The following SNX16 variants were observed in gnomAD, a reference collection of about 807,000 sequenced individuals.
The protein encoded by SNX16 is sorting nexin 16.
In SNX16, 35 loss-of-function variants were observed where a neutral mutation model predicts 36.7. The observed-to-expected ratio is 0.95, with a 90% confidence interval of 0.73 to 1.27. SNX16 has a LOEUF of 1.27. Ranked by LOEUF, SNX16 falls within the 50% of genes most tolerant of loss-of-function variation. SNX16 has a pLI of 0.00. For missense variants in SNX16, 367 were observed against 393.6 expected, an observed-to-expected ratio of 0.93 and a Z score of 0.57; for synonymous variants, 134 against 132.0, an observed-to-expected ratio of 1.02 and a Z score of -0.10.
chr8:81,824,320 G>A (rs184973182), intron 3 of SNX16, among the ~76,000 whole-genome samples: 252 of 152,074 alleles, frequency 1.7e-3, no homozygotes, highest in African/African-American at 5.5e-3. Flanking sequence ...AAATTTTTTA[G>A]CACCTTCCCT....
At chr8:81,813,895 G>A (rs1261952181) in intron 5 of SNX16, among the ~76,000 whole-genome samples, 1 of 151,858 alleles carries the variant, frequency 6.6e-6, no homozygotes, top group Non-Finnish European at 1.5e-5. Flanking sequence ...CCAAGAGAAT[G>A]GCTATAATCC....
At chr8:81,840,613 T>C (rs569652823) in intron 1 of SNX16, among the ~76,000 whole-genome samples, 170 of 152,352 alleles carry the variant, frequency 1.1e-3, no homozygotes, top group African/African-American at 3.9e-3. Flanking sequence ...TGATGCTACA[T>C]AGTATAATTC....
chr8:81,832,690 A>AT (rs1385309426), intron 2 of SNX16, among the ~76,000 whole-genome samples: 1 of 151,906 alleles, frequency 6.6e-6, no homozygotes, highest in Non-Finnish European at 1.5e-5. Context: ...AAGTCAATGT[A>AT]TTTTTAAAAG....
chr8:81,838,698 T>A (rs1312465790), intron 2 of SNX16, among the ~76,000 whole-genome samples: 1 of 151,964 alleles, frequency 6.6e-6, no homozygotes, highest in Non-Finnish European at 1.5e-5. Flanking sequence ...CATAGGACAG[T>A]ATCTTTGTAG....
At chr8:81,837,987 T>C (rs993188728) in intron 2 of SNX16, among the ~76,000 whole-genome samples, 1 of 152,180 alleles carries the variant, frequency 6.6e-6, no homozygotes, top group African/African-American at 2.4e-5. Flanking sequence ...AAGTAAACAT[T>C]AAACTTTACT....
At chr8:81,836,416 C>A (rs1811499228) in intron 2 of SNX16, among the ~76,000 whole-genome samples, 1 of 152,200 alleles carries the variant, frequency 6.6e-6, no homozygotes, top group Non-Finnish European at 1.5e-5. Context: ...CACATTAACA[C>A]ATGTAACATC....
intron 5 of SNX16, among the ~76,000 whole-genome samples, chr8:81,810,132 A>G (rs767246291): frequency 6.6e-6 from 1 of 152,096 alleles, no homozygotes; most frequent in Non-Finnish European, 1.5e-5. Flanking sequence ...TAAAAATTAT[A>G]ATTTATTTCT....
Position 81,836,484 on chromosome 8 carries a change from T to C in SNX16, c.375+3128A>G. 1.3e-5 allele frequency among the ~76,000 whole-genome samples: 2 copies of C among 152,170 alleles called. 1 individual carries two copies. The highest frequency in any genetic ancestry group is 4.1e-4 in the South Asian group (2 of 4,828). On this transcript the variant is annotated intron_variant, in intron 2 of 7. Transcript: ENST00000345957. ...TAGCATGTCTAAAAACAAATTTTGA[T>C]CATCCCTCAAAACCTGTCATTTAAT...
intron 5 of SNX16, chr8:81,814,719 G>T (rs1389376076): frequency 1.3e-5 from 2 of 152,066 alleles, no homozygotes; most frequent in African/African-American, 4.8e-5. Flanking sequence ...GACTCAGCTT[G>T]AATGAAAACA....
chr8:81,823,686 A>G, intron 4 of SNX16, 106 bp downstream of exon 4: 1 of 980,344 alleles, frequency 1.0e-6, no homozygotes, highest in Non-Finnish European at 1.5e-6. Context: ...ATTATACTCC[A>G]ACCCTGTATT....
At chr8:81,805,179 C>G (rs1310200488) in intron 5 of SNX16, among the ~76,000 whole-genome samples, 1 of 151,622 alleles carries the variant, frequency 6.6e-6, no homozygotes, top group Non-Finnish European at 1.5e-5. Context: ...TGGTGTCAGA[C>G]AGAACATAAT....
Position 81,799,944 on chromosome 8 carries a change from T to G in SNX16, c.*1553A>C, listed in dbSNP as rs1006684582. On this transcript the variant is annotated 3_prime_UTR_variant, in exon 8 of 8. Transcript: ENST00000345957. Reference sequence around the variant, plus strand: ...TTATATTCATTTCTGTCTCTAAGGATAGCAAACATATTTCTGATACACATT... The same window carrying G: ...TTATATTCATTTCTGTCTCTAAGGAGAGCAAACATATTTCTGATACACATT... The G allele has an allele frequency of 1.3e-5, 2 of 151,906 alleles. No homozygotes were observed. The highest frequency in any genetic ancestry group is 4.8e-5 in the African/African-American group (2 of 41,428). 9.4% of individuals were successfully genotyped at this position (151,906 alleles called of 1,614,324 possible).
At chr8:81,838,615 T>C (rs977218132) in intron 2 of SNX16, among the ~76,000 whole-genome samples, 1 of 147,532 alleles carries the variant, frequency 6.8e-6, no homozygotes, top group African/African-American at 2.5e-5. Flanking sequence ...CCTCACACCA[T>C]GGACAAAAAT....
intron 2 of SNX16, among the ~76,000 whole-genome samples, chr8:81,838,446 GA>G (rs1025857318): frequency 1.3e-5 from 2 of 151,634 alleles, no homozygotes; most frequent in African/African-American, 4.8e-5. Context: ...AGTAAAGGAT[GA>G]AAAAATAGAA....
At chr8:81,832,974 G>A (rs1811333989) in intron 2 of SNX16, among the ~76,000 whole-genome samples, 1 of 151,528 alleles carries the variant, frequency 6.6e-6, no homozygotes, top group Admixed American at 6.6e-5. Flanking sequence ...CATGGCAATT[G>A]AGCACTCAAT....
At chr8:81,841,888 C>T (rs1008008507) in intron 1 of SNX16, 1 of 152,178 alleles carries the variant, frequency 6.6e-6, no homozygotes, top group African/African-American at 2.4e-5. Flanking sequence ...CGGCGAGACC[C>T]GCAGCTCCCT....
chr8:81,805,023 T>TA (rs35208380), intron 5 of SNX16, among the ~76,000 whole-genome samples: 37,666 of 151,898 alleles, frequency 0.25, 5,210 homozygotes, highest in East Asian at 0.37. Context: ...AATTAGTAAG[T>TA]TTGATATGAT....
At chr8:81,826,283 T>G (rs954828831) in intron 3 of SNX16, among the ~76,000 whole-genome samples, 1 of 152,152 alleles carries the variant, frequency 6.6e-6, no homozygotes, top group Non-Finnish European at 1.5e-5. Context: ...TTCTTTTTAA[T>G]GTGAGGACTG....
At chr8:81,833,645 T>G (rs551473005) in intron 2 of SNX16, among the ~76,000 whole-genome samples, 18 of 152,324 alleles carry the variant, frequency 1.2e-4, no homozygotes, top group Admixed American at 3.9e-4. Flanking sequence ...AAATAATACA[T>G]ACTGACTTTA....
Sources: allele counts gnomAD v4.1 joint callset (sites outside exome capture counted in the v4.1 genomes callset), GRCh38; gene constraint gnomAD v4.1.1; transcripts MANE v1.5; gene names NCBI Gene and HGNC (gene_info 2026-07-23, HGNC 2026-07-21).